Variants in CYP4F22 observed in about 807,000 individuals in gnomAD.
The protein encoded by CYP4F22 is ultra-long-chain fatty acid omega-hydroxylase.
A neutral mutation model predicts 60.4 loss-of-function variants in CYP4F22; 37 were observed. The observed-to-expected ratio is 0.61, with a 90% CI of 0.47 to 0.81. CYP4F22 has a LOEUF of 0.81. Among genes scored for constraint, CYP4F22 ranks in the 30% least tolerant of loss-of-function variants. The pLI is 0.00. For synonymous variants in CYP4F22, 258 were observed against 280.5 expected (o/e 0.92, Z 0.80); for missense variants, 655 against 715.0 (o/e 0.92, Z 0.96).
intron 2 of CYP4F22, among the ~76,000 whole-genome samples, chr19:15,524,680 GAGAAAGAA>G (rs34409297): frequency 3.4e-5 from 5 of 149,016 alleles, no homozygotes; most frequent in East Asian, 2.0e-4. Context: ...GAGAGAGAGA[GAGAAAGAA>G]AGAAAGAAAG....
intron 4 of CYP4F22, among the ~76,000 whole-genome samples, chr19:15,531,582 A>ATCCCTGTT (rs1971343850): frequency 6.6e-6 from 1 of 152,148 alleles, no homozygotes; most frequent in Non-Finnish European, 1.5e-5. Flanking sequence ...AGGGATGACG[A>ATCCCTGTT]TCCCTGTTGA....
intron 12 of CYP4F22, among the ~76,000 whole-genome samples, chr19:15,550,268 G>A (rs1381415402): frequency 6.6e-6 from 1 of 152,050 alleles, no homozygotes; most frequent in Non-Finnish European, 1.5e-5. Context: ...ACTCCAGCCT[G>A]AGTGAGACTC....
rs148298818 is a variant in CYP4F22 at position 15,551,566 on chromosome 19, C to G, written c.*95C>G. The G allele has an allele frequency of 1.2e-4, 165 of 1,433,244 alleles. No homozygotes were observed. The East Asian group carries it at 3.6e-3, about 31-fold the overall frequency. The allele number at this position is 1,433,244 out of a possible 1,614,324, so 88.8% of individuals were successfully genotyped here. Reference sequence around the variant, plus strand: ...GATCCCGAGGGCATAGGCCACCCCCCTCGAAGTTCAGGTTCAGCTCCTGGA... The same window carrying G: ...GATCCCGAGGGCATAGGCCACCCCCGTCGAAGTTCAGGTTCAGCTCCTGGA... On this transcript the variant is annotated 3_prime_UTR_variant, in exon 14 of 14. Coordinates refer to ENST00000269703, the MANE Select transcript of CYP4F22 (RefSeq NM_173483.4).
chr19:15,520,839 C>G (rs1438683648), intron 1 of CYP4F22, among the ~76,000 whole-genome samples: 3 of 151,726 alleles, frequency 2.0e-5, no homozygotes, highest in Non-Finnish European at 4.4e-5. Context: ...ACGATCTCGG[C>G]TCACTGCAAC....
intron 1 of CYP4F22, among the ~76,000 whole-genome samples, chr19:15,515,711 G>A (rs1971145929): frequency 6.6e-6 from 1 of 151,648 alleles, no homozygotes; most frequent in South Asian, 2.1e-4. Context: ...GGGCAACAGA[G>A]CGAGACTCTG....
intron 3 of CYP4F22, among the ~76,000 whole-genome samples, chr19:15,527,766 G>T (rs550798229): frequency 6.6e-6 from 1 of 152,360 alleles, no homozygotes; most frequent in African/African-American, 2.4e-5. Context: ...CTTATCACTG[G>T]CTAGGCACTG....
intron 4 of CYP4F22, among the ~76,000 whole-genome samples, chr19:15,533,709 T>A (rs916287687): frequency 2.0e-5 from 3 of 148,812 alleles, no homozygotes; most frequent in Non-Finnish European, 4.5e-5. Context: ...GTGATTCTCC[T>A]CCTGCCTCAG....
Position 15,543,895 on chromosome 19 carries a change from ATC to A in CYP4F22, c.940-74_940-73del, listed in dbSNP as rs1971491793. On this transcript the variant is annotated intron_variant, in intron 8 of 13. Coordinates refer to ENST00000269703, the MANE Select transcript of CYP4F22 (RefSeq NM_173483.4). Reference sequence around the variant, plus strand: ...AAAAAAAAGATGGGGGCGGGGAGATATCTGAGTTTTGAGGAGCCCCTAGGATG... The same window carrying A: ...AAAAAAAAGATGGGGGCGGGGAGATATGAGTTTTGAGGAGCCCCTAGGATG... The A allele has an allele frequency of 2.8e-6, 4 of 1,438,388 alleles. No individual in the cohort carries two copies. In the South Asian group the frequency reaches 4.6e-5, roughly 17 times the overall value. The allele number at this position is 1,438,388 out of a possible 1,614,324, so 89.1% of individuals were successfully genotyped here.
intron 10 of CYP4F22, 49 bp from the exon 11 acceptor site, chr19:15,548,059 G>T (rs755814456): frequency 1.8e-5 from 29 of 1,591,250 alleles, no homozygotes; most frequent in Non-Finnish European, 2.4e-5. Flanking sequence ...GTTTTGGGGA[G>T]GTGGTGCCAT....
At chr19:15,533,855 T>G (rs1244238029) in intron 4 of CYP4F22, among the ~76,000 whole-genome samples, 2 of 152,114 alleles carry the variant, frequency 1.3e-5, no homozygotes, top group African/African-American at 4.8e-5. Flanking sequence ...GTATGGATTT[T>G]TTTTTGTTTA....
intron 10 of CYP4F22, 90 bp from the exon 11 acceptor site, chr19:15,548,018 T>A (rs1971551216): frequency 9.0e-6 from 10 of 1,110,890 alleles, no homozygotes; most frequent in African/African-American, 8.0e-5. Flanking sequence ...TGTGTGTGTG[T>A]GTGTGTGTGT....
chr19:15,513,755 G>A (rs1167326515), intron 1 of CYP4F22, among the ~76,000 whole-genome samples: 3 of 151,968 alleles, frequency 2.0e-5, no homozygotes, highest in Non-Finnish European at 2.9e-5. Flanking sequence ...CACCCCCCTC[G>A]GTCTCCCAAA....
rs192588971 is a variant in CYP4F22 at position 15,515,606 on chromosome 19, A to C, written c.-109+7023A>C. Among the ~76,000 whole-genome samples the C allele has an allele frequency of 5.3e-3, 803 of 152,162 alleles. 4 individuals carry two copies. The highest frequency in any genetic ancestry group is 0.019 in the African/African-American group (771 of 41,554). On this transcript the variant is annotated intron_variant, in intron 1 of 13. Transcript: ENST00000269703. ...CCAGGTGTGGTGGCGCATGCCGGTA[A>C]TCTTAGCTACCCAGGAGGCTGAGGC...
Position 15,529,768 on chromosome 19 carries a change from T to A in CYP4F22, c.282T>A (p.His94Gln). Residue 94 changes from histidine (H) to glutamine (Q), a missense_variant, in exon 4 of 14, where the codon CAT becomes CAA. By Grantham distance (24) the His-to-Gln change is conservative. Around this residue, in one of 3 missense-constraint regions of CYP4F22, gnomAD observed 430 missense variants for 457.1 expected, o/e 0.94. Coordinates refer to ENST00000269703, the MANE Select transcript of CYP4F22 (RefSeq NM_173483.4). Reference sequence around the variant, plus strand: ...AGAAGGTACTGGACAACATGCACCATGTACTCTTGGTATGGATGGGACCTG... The same window carrying A: ...AGAAGGTACTGGACAACATGCACCAAGTACTCTTGGTATGGATGGGACCTG... ...DEKKVLDNMH[H>Q]VLLVWMGPVL... 6.2e-7 allele frequency: 1 copy of A among 1,614,130 alleles called. No individual in the cohort carries two copies. The highest frequency in any genetic ancestry group is 8.5e-7 in the Non-Finnish European group (1 of 1,180,014).
At chr19:15,538,197 C>A (rs1469767412) in intron 7 of CYP4F22, among the ~76,000 whole-genome samples, 1 of 152,068 alleles carries the variant, frequency 6.6e-6, no homozygotes, top group African/African-American at 2.4e-5. Context: ...AATTCCTTCC[C>A]CATAGTCATT....
intron 1 of CYP4F22, among the ~76,000 whole-genome samples, chr19:15,513,654 A>G (rs972551719): frequency 6.6e-6 from 1 of 151,580 alleles, no homozygotes; most frequent in African/African-American, 2.4e-5. Flanking sequence ...GTGAGCCACC[A>G]CGCCCAGCCT....
At chr19:15,532,211 C>G (rs1224549297) in intron 4 of CYP4F22, among the ~76,000 whole-genome samples, 2 of 150,764 alleles carry the variant, frequency 1.3e-5, no homozygotes, top group Non-Finnish European at 3.0e-5. Context: ...CTTTCTTCTT[C>G]CTCCCTCTTC....
intron 8 of CYP4F22, among the ~76,000 whole-genome samples, chr19:15,540,970 A>T (rs1419361307): frequency 6.6e-6 from 1 of 152,144 alleles, no homozygotes; most frequent in Non-Finnish European, 1.5e-5. Flanking sequence ...GGTCCCAGCT[A>T]CTTGGGAGGC....
chr19:15,546,336 C>A (rs1005384240), intron 10 of CYP4F22, among the ~76,000 whole-genome samples: 1 of 152,118 alleles, frequency 6.6e-6, no homozygotes, highest in African/African-American at 2.4e-5. Flanking sequence ...GTAATCCCAG[C>A]ACTTTGGGAG....
Sources: allele counts gnomAD v4.1 joint callset (sites outside exome capture counted in the v4.1 genomes callset), GRCh38; gene constraint gnomAD v4.1.1; regional missense constraint gnomAD v4.1.1; transcripts MANE v1.5; gene names NCBI Gene and HGNC (gene_info 2026-07-23, HGNC 2026-07-21).